VIL1: variants seen among roughly 807,000 people sequenced by gnomAD.
VIL1 encodes the protein villin-1.
Under a neutral mutation model 104.0 loss-of-function variants are expected in VIL1, and 86 were observed. The observed-to-expected ratio is 0.83, with a 90% CI of 0.69 to 0.99. The LOEUF (loss-of-function observed/expected upper bound fraction) is 0.99. Among genes scored for constraint, VIL1 ranks in the 50% least tolerant of loss-of-function variants. The pLI is 0.00. For synonymous variants in VIL1, 394 were observed against 412.6 expected (o/e 0.95, Z 0.55); for missense variants, 944 against 1,054.1 (o/e 0.90, Z 1.45).
Position 218,428,351 on chromosome 2 carries a change from T to C in VIL1, c.567+14T>C. 1 of 1,607,384 alleles carries C rather than the reference T, an allele frequency of 6.2e-7. No individual in the cohort carries two copies. Among genetic ancestry groups the C allele is most frequent in the Non-Finnish European group, 8.5e-7 (1 of 1,173,916 alleles). On this transcript the variant is annotated intron_variant, in intron 6 of 19. Transcript: ENST00000248444. ...GAGAGACTCAGGGTAAACCTGCCCA[T>C]GCACCACACCTCCCTCTCGAATCCT... is the stretch of plus-strand genomic sequence containing the variant.
intron 13 of VIL1, 48 bp from the exon 14 acceptor site, chr2:218,434,478 C>A: frequency 6.4e-7 from 1 of 1,553,898 alleles, no homozygotes; most frequent in Non-Finnish European, 8.7e-7. Context: ...ATCTTCTTTA[C>A]TAAGTGACTC....
At position 218,430,832 on chromosome 2, in the gene VIL1, C is replaced by T; in HGVS notation, c.1056C>T (p.Ser352=). 1.2e-6 allele frequency: 2 copies of T among 1,613,988 alleles called. No individual in the cohort carries two copies. Among genetic ancestry groups the T allele is most frequent in the African/African-American group, 1.3e-5 (1 of 75,014 alleles). ...AGCTCTTCCAGAAGTGGACAGCGTCCAACCGGACCTCAGGCCTAGGCAAAA... is the reference window on the plus strand; with the variant it reads ...AGCTCTTCCAGAAGTGGACAGCGTCTAACCGGACCTCAGGCCTAGGCAAAA... The part of the protein sequence containing the change: ...FQQLFQKWTA[S]NRTSGLGKTH... The change falls in exon 10 of 20, where the codon TCC becomes TCT. Residue 352 remains serine, a synonymous_variant. Transcript: ENST00000248444.
intron 1 of VIL1, among the ~76,000 whole-genome samples, chr2:218,422,990 C>T (rs1302072430): frequency 2.0e-5 from 3 of 152,230 alleles, no homozygotes; most frequent in Non-Finnish European, 2.9e-5. Context: ...ATGCCCAAGC[C>T]CCACCCTGGC....
chr2:218,432,682 T>C, intron 12 of VIL1, 111 bp from the exon 13 acceptor site: 1 of 1,402,472 alleles, frequency 7.1e-7, no homozygotes, highest in Non-Finnish European at 9.8e-7. Context: ...GGGAAGACAA[T>C]TGGGTTTAGG....
In VIL1 at chr2:218,450,510, G is replaced by C. The variant is rs1041497368; in HGVS notation, c.*1174G>C. ...AGTGGCTCAATTAGGCAAAGTGTAG[G>C]AATCTCATTTTTGTTTTTCTCTCCT... On this transcript the variant is annotated 3_prime_UTR_variant, in exon 20 of 20. Transcript: ENST00000248444. 105 of 152,708 alleles carry C rather than the reference G, an allele frequency of 6.9e-4. No homozygotes were observed. Among genetic ancestry groups the C allele is most frequent in the African/African-American group, 2.0e-3 (85 of 41,554 alleles). 9.5% of individuals were successfully genotyped at this position (152,708 alleles called of 1,614,324 possible). A position where few individuals can be genotyped will look rare whatever the true frequency, so the allele number is the denominator to read the frequency against.
At chr2:218,440,570 T>A (rs1000823753) in intron 18 of VIL1, 152 bp from the exon 19 acceptor site, 12 of 898,340 alleles carry the variant, frequency 1.3e-5, no homozygotes, top group East Asian at 5.1e-5. Flanking sequence ...GCACCCAGCC[T>A]ATGTTGTTCT....
chr2:218,438,082 G>A (rs183115227), intron 17 of VIL1, among the ~76,000 whole-genome samples: 172 of 152,262 alleles, frequency 1.1e-3, no homozygotes, highest in Non-Finnish European at 1.8e-3. Flanking sequence ...GCAGCATATC[G>A]AGATGCCAGG....
intron 16 of VIL1, 51 bp downstream of exon 16, chr2:218,436,677 G>A: frequency 6.3e-7 from 1 of 1,582,870 alleles, no homozygotes; most frequent in Non-Finnish European, 8.6e-7. Context: ...CAATCCCCAG[G>A]GCCAAGAAAG....
intron 8 of VIL1, 38 bp from the exon 9 acceptor site, chr2:218,429,811 C>T (rs780205573): frequency 1.3e-6 from 2 of 1,599,646 alleles, no homozygotes; most frequent in Non-Finnish European, 1.7e-6. Flanking sequence ...AGTCCAGCAC[C>T]TCCAGCTCCA....
At position 218,428,830 on chromosome 2, in the gene VIL1, C is replaced by T. The variant is rs372025385; in HGVS notation, c.568-455C>T. On this transcript the variant is annotated intron_variant, in intron 6 of 19. Transcript: ENST00000248444. Reference sequence around the variant, plus strand: ...GGGATTACAGGCGTGCATCACCACACCTGGCTAATTTTTTGTATTTTTAGT... The same window carrying T: ...GGGATTACAGGCGTGCATCACCACATCTGGCTAATTTTTTGTATTTTTAGT... Among the ~76,000 whole-genome samples, 159 of 152,280 alleles carry T rather than the reference C, an allele frequency of 1.0e-3. 4 individuals carry two copies. The South Asian group carries it at 0.032, about 31-fold the overall frequency.
At chr2:218,420,579 T>G (rs79648183) in intron 1 of VIL1, among the ~76,000 whole-genome samples, 27 of 1,604 alleles carry the variant, frequency 0.017, no homozygotes, top group African/African-American at 0.022. Context: ...TGAGTATTTG[T>G]TTTTTTTTTT....
intron 2 of VIL1, 123 bp from the exon 3 acceptor site, chr2:218,424,154 T>C (rs552508308): frequency 8.2e-5 from 68 of 830,222 alleles, no homozygotes; most frequent in East Asian, 6.1e-4. Flanking sequence ...CTCTTCCTTT[T>C]CTCTCCTTTC....
Position 218,452,833 on chromosome 2 carries a change from C to A in VIL1, c.*3497C>A, listed in dbSNP as rs756815929. On this transcript the variant is annotated 3_prime_UTR_variant, in exon 20 of 20. Coordinates refer to ENST00000248444, the MANE Select transcript of VIL1 (RefSeq NM_007127.3). Reference sequence around the variant, plus strand: ...ACAGTGCCTCTCAAATGCAAAGACACGTAAAAGAATTAATAACTAGCCAAA... The same window carrying A: ...ACAGTGCCTCTCAAATGCAAAGACAAGTAAAAGAATTAATAACTAGCCAAA... The A allele has an allele frequency of 6.6e-6, 1 of 152,066 alleles. No individual in the cohort carries two copies. Among genetic ancestry groups the A allele is most frequent in the Non-Finnish European group, 1.5e-5 (1 of 68,012 alleles). 9.4% of individuals were successfully genotyped at this position (152,066 alleles called of 1,614,324 possible).
Position 218,432,051 on chromosome 2 carries a change from G to A in VIL1, c.1209G>A (p.Trp403Ter). Reference protein sequence around the residue: ...VDDGSGEVQVWRIENLELVPV... With the variant: ...VDDGSGEVQV Reference sequence around the variant, plus strand: ...TGGCCTGATACTGGCCCTAGGTGTGGCGCATTGAGAACCTAGAGCTGGTAC... The same window carrying A: ...TGGCCTGATACTGGCCCTAGGTGTGACGCATTGAGAACCTAGAGCTGGTAC... Residue 403 changes from tryptophan to a stop codon, truncating the protein, a stop_gained, in exon 12 of 20, where the codon TGG becomes TGA. Transcript: ENST00000248444. LOFTEE classifies it high-confidence loss of function. 1 of 1,614,086 alleles carries A rather than the reference G, an allele frequency of 6.2e-7. No homozygotes were observed. Among genetic ancestry groups the A allele is most frequent in the Non-Finnish European group, 8.5e-7 (1 of 1,180,002 alleles).
chr2:218,425,577 G>C, intron 3 of VIL1, 38 bp from the exon 4 acceptor site: 2 of 1,607,484 alleles, frequency 1.2e-6, no homozygotes, highest in Non-Finnish European at 8.5e-7. Context: ...GGCTGTGGGA[G>C]CCCAGGGTCT....
intron 1 of VIL1, among the ~76,000 whole-genome samples, chr2:218,419,604 T>G (rs892646761): frequency 2.0e-5 from 3 of 152,218 alleles, no homozygotes; most frequent in African/African-American, 2.4e-5. Context: ...ACCATTCCTC[T>G]GACACTCCTG....
intron 19 of VIL1, among the ~76,000 whole-genome samples, chr2:218,447,932 CATTTTCA>C (rs1689392533): frequency 6.6e-6 from 1 of 152,120 alleles, no homozygotes; most frequent in Non-Finnish European, 1.5e-5. Context: ...GTATTATTTT[CATTTTCA>C]TAAAAGCAAG....
At chr2:218,433,050 G>C in intron 13 of VIL1, 99 bp downstream of exon 13, 2 of 1,444,634 alleles carry the variant, frequency 1.4e-6, no homozygotes, top group Non-Finnish European at 1.9e-6. Flanking sequence ...AGGGCTTGAG[G>C]TGAAGCCCAT....
intron 17 of VIL1, among the ~76,000 whole-genome samples, chr2:218,437,906 C>T (rs1284566856): frequency 2.6e-5 from 4 of 152,134 alleles, no homozygotes; most frequent in Non-Finnish European, 5.9e-5. Context: ...CAAAGGTTTT[C>T]GGTAGGAAGA....
Sources: allele counts gnomAD v4.1 joint callset (sites outside exome capture counted in the v4.1 genomes callset), GRCh38; gene constraint gnomAD v4.1.1; transcripts MANE v1.5; gene names NCBI Gene and HGNC (gene_info 2026-07-23, HGNC 2026-07-21).